The following CADM1 variants were observed in gnomAD, a reference collection of about 807,000 sequenced individuals.
CADM1 encodes TSLC-1.
In CADM1, 15 loss-of-function variants were observed where a neutral mutation model predicts 53.1. That is an observed-to-expected ratio of 0.28 (90% CI 0.19 to 0.44). The LOEUF (loss-of-function observed/expected upper bound fraction) is 0.44. Ranked by LOEUF, CADM1 falls within the 20% of genes least tolerant of loss-of-function variation. The pLI is 1.00. For missense variants in CADM1, 434 were observed against 611.3 expected (o/e 0.71, Z 3.06); for synonymous variants, 281 against 243.0 (o/e 1.16, Z -1.45).
chr11:115,215,582 C>T (rs1040180862), intron 6 of CADM1, among the ~76,000 whole-genome samples: 4 of 152,214 alleles, frequency 2.6e-5, no homozygotes, highest in Non-Finnish European at 4.4e-5. Flanking sequence ...GGGCCCAGGG[C>T]ATTTGCTCAT....
intron 1 of CADM1, among the ~76,000 whole-genome samples, chr11:115,434,339 C>A (rs1591233247): frequency 6.6e-6 from 1 of 152,348 alleles, no homozygotes; most frequent in Middle Eastern, 3.4e-3. Flanking sequence ...CACCCCAACC[C>A]TCCCCTTTTG....
At chr11:115,199,808 G>A (rs1268367295) in intron 8 of CADM1, among the ~76,000 whole-genome samples, 2 of 152,244 alleles carry the variant, frequency 1.3e-5, no homozygotes, top group East Asian at 3.8e-4. Context: ...GGGTTAAACT[G>A]CAAGCAAGCA....
Position 115,486,505 on chromosome 11 carries a change from C to T in CADM1, c.124+17766G>A, listed in dbSNP as rs185981590. Among the ~76,000 whole-genome samples the T allele has an allele frequency of 6.1e-4, 93 of 151,884 alleles. 1 individual carries two copies. Among genetic ancestry groups the T allele is most frequent in the Non-Finnish European group, 7.4e-4 (50 of 67,932 alleles). On this transcript the variant is annotated intron_variant, in intron 1 of 11. Transcript: ENST00000331581. ...AGCTAGGACTACAGTTGTACACCACCGGGCAATTTTTTTATTTCTTGTAGA... is the reference window on the plus strand; with the variant it reads ...AGCTAGGACTACAGTTGTACACCACTGGGCAATTTTTTTATTTCTTGTAGA...
At chr11:115,284,435 A>T (rs1943676563) in intron 1 of CADM1, among the ~76,000 whole-genome samples, 1 of 151,808 alleles carries the variant, frequency 6.6e-6, no homozygotes, top group African/African-American at 2.4e-5. Flanking sequence ...TTTCTTTTCA[A>T]TAGATTTTCA....
In CADM1 at chr11:115,344,373, C is replaced by T. The variant is rs552053346; in HGVS notation, c.125-103953G>A. 2.6e-5 allele frequency among the ~76,000 whole-genome samples: 4 copies of T among 152,272 alleles called. No homozygotes were observed. The South Asian group carries it at 6.2e-4, about 24-fold the overall frequency. ...CTATCATTTCTCTAAGTCCGGTCCG[C>T]CAGGCTTAAATATCAGTAGTCTTTT... On this transcript the variant is annotated intron_variant, in intron 1 of 11. Transcript: ENST00000331581.
At chr11:115,402,970 T>C (rs922933950) in intron 1 of CADM1, among the ~76,000 whole-genome samples, 1 of 152,138 alleles carries the variant, frequency 6.6e-6, no homozygotes. Flanking sequence ...GAAAGGATGA[T>C]GGGAATAGAA....
At chr11:115,444,941 T>C (rs779892089) in intron 1 of CADM1, among the ~76,000 whole-genome samples, 2 of 152,038 alleles carry the variant, frequency 1.3e-5, no homozygotes, top group Non-Finnish European at 2.9e-5. Flanking sequence ...GGCAGGCACG[T>C]GGAGGGGTGA....
intron 5 of CADM1, among the ~76,000 whole-genome samples, chr11:115,223,973 A>AGGAGAGAGAG (rs1555043882): frequency 1.1e-5 from 1 of 92,466 alleles, no homozygotes; most frequent in Non-Finnish European, 2.1e-5. Flanking sequence ...AAAAAAAAAA[A>AGGAGAGAGAG]AGAGAGAGAG....
At chr11:115,329,180 A>G (rs1945065920) in intron 1 of CADM1, among the ~76,000 whole-genome samples, 1 of 152,122 alleles carries the variant, frequency 6.6e-6, no homozygotes, top group South Asian at 2.1e-4. Context: ...AGAAAAAAAA[A>G]TCTGAATATT....
At chr11:115,188,419 G>C (rs1565286007) in intron 10 of CADM1, among the ~76,000 whole-genome samples, 1 of 152,308 alleles carries the variant, frequency 6.6e-6, no homozygotes. Flanking sequence ...TTAAAGAGGA[G>C]GATCAGCTGG....
At chr11:115,469,429 T>C (rs1474738720) in intron 1 of CADM1, among the ~76,000 whole-genome samples, 2 of 152,146 alleles carry the variant, frequency 1.3e-5, no homozygotes, top group African/African-American at 2.4e-5. Flanking sequence ...ACAACCTGAC[T>C]GAGATCATGT....
chr11:115,434,741 T>C (rs1948140146), intron 1 of CADM1, among the ~76,000 whole-genome samples: 1 of 152,138 alleles, frequency 6.6e-6, no homozygotes, highest in Non-Finnish European at 1.5e-5. Flanking sequence ...CCACTGAGAA[T>C]TCGTACCGCA....
chr11:115,404,366 T>A (rs1295992741), intron 1 of CADM1, among the ~76,000 whole-genome samples: 664 of 39,802 alleles, frequency 0.017, 82 homozygotes, highest in Admixed American at 0.045. Flanking sequence ...TATATATATA[T>A]ATATATATAT....
At chr11:115,417,658 A>G (rs1226371089) in intron 1 of CADM1, among the ~76,000 whole-genome samples, 3 of 152,200 alleles carry the variant, frequency 2.0e-5, no homozygotes, top group African/African-American at 4.8e-5. Context: ...GATGCTGGAC[A>G]AGGGGATGAT....
intron 1 of CADM1, among the ~76,000 whole-genome samples, chr11:115,384,231 C>A (rs953656830): frequency 6.6e-6 from 1 of 152,142 alleles, no homozygotes; most frequent in South Asian, 2.1e-4. Flanking sequence ...CCTACCTTCT[C>A]CTGTTTTATT....
intron 1 of CADM1, among the ~76,000 whole-genome samples, chr11:115,269,080 T>C (rs757596493): frequency 5.9e-5 from 9 of 152,104 alleles, no homozygotes; most frequent in Admixed American, 3.3e-4. Context: ...TAGACTGGAC[T>C]CCCAGGAACA....
intron 1 of CADM1, among the ~76,000 whole-genome samples, chr11:115,245,075 C>T (rs1942365975): frequency 6.6e-6 from 1 of 152,200 alleles, no homozygotes; most frequent in Admixed American, 6.5e-5. Context: ...TGAGTTTATA[C>T]TATGGCAACT....
chr11:115,441,308 A>C (rs1948305998), intron 1 of CADM1, among the ~76,000 whole-genome samples: 1 of 152,148 alleles, frequency 6.6e-6, no homozygotes, highest in Non-Finnish European at 1.5e-5. Context: ...ATGATGACTC[A>C]ATAGCCTTGA....
chr11:115,404,669 T>C (rs1947267681), intron 1 of CADM1, among the ~76,000 whole-genome samples: 2 of 149,460 alleles, frequency 1.3e-5, no homozygotes, highest in African/African-American at 4.9e-5. Context: ...AGGATTAGTA[T>C]TCAGAACATA....
Sources: gnomAD v4.1 joint callset for allele counts (sites outside exome capture counted in the v4.1 genomes callset) on GRCh38, gnomAD v4.1.1 for gene constraint, MANE v1.5 for transcripts, NCBI Gene and HGNC (gene_info 2026-07-23, HGNC 2026-07-21) for gene names.